Variants in DIP2C observed in about 807,000 individuals in gnomAD.
DIP2C encodes the protein disco-interacting protein 2 homolog C.
In DIP2C, 33 loss-of-function variants were observed where a neutral mutation model predicts 192.4. That is an observed-to-expected ratio of 0.17 (90% CI 0.13 to 0.23). The LOEUF is 0.23. Among genes scored for constraint, DIP2C ranks in the 10% least tolerant of loss-of-function variants. DIP2C has a pLI of 1.00. For missense variants in DIP2C, 1,537 were observed against 2,110.1 expected, an observed-to-expected ratio of 0.73 and a Z score of 5.32; for synonymous variants, 979 against 864.1, an observed-to-expected ratio of 1.13 and a Z score of -2.33.
chr10:575,602 A>G (rs1485543057), intron 1 of DIP2C, among the ~76,000 whole-genome samples: 3 of 152,216 alleles, frequency 2.0e-5, no homozygotes, highest in Non-Finnish European at 2.9e-5. Context: ...GCTCAGCATC[A>G]TCAAAACCCA....
chr10:394,955 C>T (rs1225721132), intron 10 of DIP2C, among the ~76,000 whole-genome samples: 2 of 152,064 alleles, frequency 1.3e-5, no homozygotes, highest in East Asian at 1.9e-4. Flanking sequence ...ACTATTCAGC[C>T]GTCAGTGAGG....
intron 31 of DIP2C, among the ~76,000 whole-genome samples, chr10:325,204 G>A (rs1386873117): frequency 6.6e-6 from 1 of 152,058 alleles, no homozygotes; most frequent in East Asian, 1.9e-4. Flanking sequence ...GGTGGAGCTT[G>A]CAGTGAGCCC....
At chr10:493,516 G>C (rs1468509906) in intron 1 of DIP2C, among the ~76,000 whole-genome samples, 1 of 152,070 alleles carries the variant, frequency 6.6e-6, no homozygotes, top group Non-Finnish European at 1.5e-5. Flanking sequence ...GCTGGACATC[G>C]AGAAGCTGAC....
At chr10:509,213 C>T (rs193291757) in intron 1 of DIP2C, among the ~76,000 whole-genome samples, 5 of 152,216 alleles carry the variant, frequency 3.3e-5, no homozygotes, top group East Asian at 1.9e-4. Context: ...CTGATTCACC[C>T]GGGGAGGGGC....
chr10:630,710 G>C (rs1020536112), intron 1 of DIP2C: 7 of 152,322 alleles, frequency 4.6e-5, no homozygotes, highest in Non-Finnish European at 8.8e-5. Context: ...AACAGACCAG[G>C]TGGCAGGAGG....
At chr10:657,928 G>T (rs1856487306) in intron 1 of DIP2C, among the ~76,000 whole-genome samples, 2 of 151,432 alleles carry the variant, frequency 1.3e-5, no homozygotes, top group African/African-American at 4.9e-5. Context: ...CCTGTCCCTG[G>T]ACCTGCCCCT....
At chr10:627,402 G>A (rs529145177) in intron 1 of DIP2C, among the ~76,000 whole-genome samples, 4 of 152,216 alleles carry the variant, frequency 2.6e-5, no homozygotes, top group Admixed American at 6.5e-5. Context: ...AGCTGGGTTC[G>A]CTGCTTCCCT....
In DIP2C at chr10:650,729, C is replaced by G. The variant is rs551363168; in HGVS notation, c.85+38765G>C. On this transcript the variant is annotated intron_variant, in intron 1 of 36. Transcript: ENST00000280886. Reference sequence around the variant, plus strand: ...TCTGGCCAGAGTGCTCTGGGCCGACCCCCCCTCATGCTCACTTCCCTGCAT... The same window carrying G: ...TCTGGCCAGAGTGCTCTGGGCCGACGCCCCCTCATGCTCACTTCCCTGCAT... 377 of 635,598 alleles carry G rather than the reference C, an allele frequency of 5.9e-4. 1 individual carries two copies. The highest frequency in any genetic ancestry group is 2.4e-3 in the East Asian group (87 of 36,580). 39.4% of individuals were successfully genotyped at this position (635,598 alleles called of 1,614,324 possible).
chr10:310,002 A>G, intron 32 of DIP2C, 29 bp downstream of exon 32: 1 of 1,609,750 alleles, frequency 6.2e-7, no homozygotes, highest in Non-Finnish European at 8.5e-7. Context: ...AAAAAGGAAA[A>G]AAAGAAAAAA....
At position 513,398 on chromosome 10, in the gene DIP2C, A is replaced by G. The variant is rs1469994403; in HGVS notation, c.86-26868T>C. Among the ~76,000 whole-genome samples, 4 of 152,238 alleles carry G rather than the reference A, an allele frequency of 2.6e-5. No homozygotes were observed. The South Asian group carries it at 8.3e-4, about 31-fold the overall frequency. On this transcript the variant is annotated intron_variant, in intron 1 of 36. Coordinates refer to ENST00000280886, the MANE Select transcript of DIP2C (RefSeq NM_014974.3). ...GTCGCGTGTTTCCCTCAAGGACGGA[A>G]GTCTCCCCTTTACTCTCATCCACTG...
At chr10:467,565 T>TAAAA (rs71376835) in intron 3 of DIP2C, among the ~76,000 whole-genome samples, 20 of 130,408 alleles carry the variant, frequency 1.5e-4, no homozygotes, top group African/African-American at 4.7e-4. Flanking sequence ...TATTTAAGTG[T>TAAAA]AAAAAAAAAA....
intron 4 of DIP2C, among the ~76,000 whole-genome samples, chr10:427,968 G>A (rs1296255347): frequency 6.6e-6 from 1 of 152,166 alleles, no homozygotes; most frequent in Non-Finnish European, 1.5e-5. Context: ...AACGTCGACA[G>A]CAGCATTATT....
intron 10 of DIP2C, among the ~76,000 whole-genome samples, chr10:397,343 A>G (rs1283939444): frequency 6.6e-6 from 1 of 152,192 alleles, no homozygotes; most frequent in Admixed American, 6.5e-5. Flanking sequence ...CAGCCTGGCC[A>G]ACGTAACAAA....
intron 1 of DIP2C, among the ~76,000 whole-genome samples, chr10:527,982 A>G (rs1329082193): frequency 6.6e-6 from 1 of 152,062 alleles, no homozygotes; most frequent in East Asian, 1.9e-4. Context: ...CTCTCACCCT[A>G]AGCCTCCCCC....
chr10:309,739 C>T (rs916389485), intron 32 of DIP2C, among the ~76,000 whole-genome samples: 17 of 151,942 alleles, frequency 1.1e-4, no homozygotes, highest in Non-Finnish European at 2.4e-4. Context: ...TTAGTGGAGA[C>T]GGGGCTTTAC....
At chr10:434,898 T>TA (rs952510945) in intron 4 of DIP2C, among the ~76,000 whole-genome samples, 95 of 152,178 alleles carry the variant, frequency 6.2e-4, no homozygotes, top group Non-Finnish European at 6.8e-4. Context: ...TTGGGGTTTT[T>TA]AAAAAATCTT....
intron 31 of DIP2C, chr10:324,777 G>A (rs1957190439): frequency 2.6e-6 from 1 of 382,380 alleles, no homozygotes; most frequent in Admixed American, 3.1e-5. Context: ...TCCACCACGT[G>A]TCAGGCCCCG....
rs962879536 is a variant in DIP2C, at chr10:471,383, G to A, written c.268+1056C>T. Among the ~76,000 whole-genome samples, 9 of 152,252 alleles carry A rather than the reference G, an allele frequency of 5.9e-5. No individual in the cohort carries two copies. In the South Asian group the frequency reaches 6.2e-4, roughly 11 times the overall value. On this transcript the variant is annotated intron_variant, in intron 3 of 36. Coordinates refer to ENST00000280886, the MANE Select transcript of DIP2C (RefSeq NM_014974.3). The stretch of plus-strand genomic sequence containing the variant: ...TGGACAGAGAGATTCATTACAGCAC[G>A]ACTGACACTCACAGGCTTCCTCGAC...
At chr10:354,065 T>C (rs1329813561) in intron 24 of DIP2C, among the ~76,000 whole-genome samples, 1 of 152,182 alleles carries the variant, frequency 6.6e-6, no homozygotes, top group African/African-American at 2.4e-5. Context: ...ATGCCTGATC[T>C]GATGCTTGGC....
Sources: allele counts gnomAD v4.1 joint callset (sites outside exome capture counted in the v4.1 genomes callset), GRCh38; gene constraint gnomAD v4.1.1; transcripts MANE v1.5; gene names NCBI Gene and HGNC (gene_info 2026-07-23, HGNC 2026-07-21).